The following TDRD12 variants were observed in gnomAD, a reference collection of about 807,000 sequenced individuals.
TDRD12 encodes putative ATP-dependent RNA helicase TDRD12.
In TDRD12, 158 loss-of-function variants were observed where a neutral mutation model predicts 133.5. That is an observed-to-expected ratio of 1.18 (90% CI 1.04 to 1.35). The LOEUF is 1.35. Ranked by LOEUF, TDRD12 falls within the 40% of genes most tolerant of loss-of-function variation. The pLI is 0.00. For synonymous variants in TDRD12, 460 were observed against 477.9 expected (o/e 0.96, Z 0.49); for missense variants, 1,443 against 1,321.3 (o/e 1.09, Z -1.43).
At chr19:32,787,955 C>T (rs998559415) in intron 11 of TDRD12, among the ~76,000 whole-genome samples, 3 of 152,168 alleles carry the variant, frequency 2.0e-5, no homozygotes, top group African/African-American at 7.2e-5. Context: ...CACTGTCCAA[C>T]CAGTCCCAGT....
chr19:32,748,531 G>A (rs929792658), exon 5 of TDRD12: 2 of 1,551,350 alleles, frequency 1.3e-6, no homozygotes, highest in South Asian at 1.2e-5. Flanking sequence ...CCTTCTGAAA[G>A]GTAAGCCAGT....
intron 5 of TDRD12, among the ~76,000 whole-genome samples, chr19:32,749,210 G>C (rs1359291353): frequency 6.6e-6 from 1 of 152,066 alleles, no homozygotes; most frequent in Non-Finnish European, 1.5e-5. Context: ...CTGGAGTTTT[G>C]GCCCCTGTGA....
At chr19:32,767,227 C>G (rs200892269) in intron 8 of TDRD12, among the ~76,000 whole-genome samples, 1 of 151,668 alleles carries the variant, frequency 6.6e-6, no homozygotes, top group East Asian at 1.9e-4. Context: ...GTCCTGGGTT[C>G]AAGCGATTCT....
intron 11 of TDRD12, among the ~76,000 whole-genome samples, chr19:32,781,980 T>A (rs1217017461): frequency 6.6e-6 from 1 of 152,100 alleles, no homozygotes; most frequent in Non-Finnish European, 1.5e-5. Context: ...CTTTTTTTTT[T>A]ATTATACTTA....
chr19:32,811,097 A>C, intron 23 of TDRD12, 113 bp from the exon 24 acceptor site: 1 of 825,688 alleles, frequency 1.2e-6, no homozygotes. Flanking sequence ...AGTATAGAGT[A>C]AAATCATGGC....
At chr19:32,808,968 GTTATT>G (rs1966906566) in intron 22 of TDRD12, among the ~76,000 whole-genome samples, 1 of 151,784 alleles carries the variant, frequency 6.6e-6, no homozygotes, top group Non-Finnish European at 1.5e-5. Context: ...TATACATTTT[GTTATT>G]TTATGATGAC....
chr19:32,749,580 G>A (rs1599855765), intron 5 of TDRD12, among the ~76,000 whole-genome samples: 2 of 152,098 alleles, frequency 1.3e-5, no homozygotes, highest in African/African-American at 4.8e-5. Flanking sequence ...GGGTGGCACA[G>A]GAACCTGTTG....
chr19:32,815,194 G>A (rs565613295), intron 25 of TDRD12, among the ~76,000 whole-genome samples: 5 of 146,052 alleles, frequency 3.4e-5, no homozygotes, highest in African/African-American at 1.2e-4. Context: ...GTTTATCCCA[G>A]ATTTGCTCTT....
intron 11 of TDRD12, among the ~76,000 whole-genome samples, chr19:32,787,018 G>T (rs141077351): frequency 6.6e-6 from 1 of 152,254 alleles, no homozygotes; most frequent in Non-Finnish European, 1.5e-5. Context: ...CTGGTTTTTG[G>T]AATTTTCAGC....
At chr19:32,720,173 C>G in intron 1 of TDRD12, 77 bp downstream of exon 1, 1 of 1,471,212 alleles carries the variant, frequency 6.8e-7, no homozygotes, top group Non-Finnish European at 9.1e-7. Context: ...CAGCCTCCCA[C>G]CCCCACCCCA....
chr19:32,749,100 T>C (rs752892570), intron 5 of TDRD12, among the ~76,000 whole-genome samples: 8 of 152,150 alleles, frequency 5.3e-5, no homozygotes, highest in Non-Finnish European at 1.0e-4. Context: ...TGGTGCCTCG[T>C]TGGGTCCTGG....
chr19:32,726,648 G>T (rs1257796814), intron 1 of TDRD12, among the ~76,000 whole-genome samples: 1 of 152,024 alleles, frequency 6.6e-6, no homozygotes, highest in Non-Finnish European at 1.5e-5. Flanking sequence ...CTACTTGGGA[G>T]GCTGAGGTGG....
chr19:32,811,157 AGATG>A, intron 23 of TDRD12, 49 bp from the exon 24 acceptor site: 1 of 1,367,664 alleles, frequency 7.3e-7, no homozygotes. Context: ...TTTGAGGCAA[AGATG>A]ATCCTTTCTG....
intron 1 of TDRD12, among the ~76,000 whole-genome samples, chr19:32,722,988 T>C (rs1462163670): frequency 6.6e-6 from 1 of 152,134 alleles, no homozygotes; most frequent in East Asian, 1.9e-4. Flanking sequence ...CCCCCCCATG[T>C]AACCTTTTAG....
At chr19:32,827,028 C>T (rs936982277) in intron 9 of TDRD12, 136 bp from the exon 33 acceptor site, 7 of 444,284 alleles carry the variant, frequency 1.6e-5, no homozygotes, top group African/African-American at 8.1e-5. Context: ...TCATTTCTTA[C>T]CTAAAATAAT....
At chr19:32,751,847 A>C (rs1192611195) in intron 6 of TDRD12, among the ~76,000 whole-genome samples, 1 of 150,608 alleles carries the variant, frequency 6.6e-6, no homozygotes, top group Non-Finnish European at 1.5e-5. Context: ...CACACCCAGC[A>C]CCTTCTGCAT....
At chr19:32,731,830 A>G in exon 2 of TDRD12, 3 of 1,551,196 alleles carry the variant, frequency 1.9e-6, no homozygotes, top group Non-Finnish European at 2.6e-6. Context: ...TGACTTCTAC[A>G]ACAGCACGTG....
At chr19:32,724,264 C>A (rs1219309112) in intron 1 of TDRD12, among the ~76,000 whole-genome samples, 1 of 152,152 alleles carries the variant, frequency 6.6e-6, no homozygotes, top group Non-Finnish European at 1.5e-5. Context: ...AAGTGCAGGA[C>A]CTGCAGGTTT....
chr19:32,796,539 C>T (rs908916487), intron 14 of TDRD12, among the ~76,000 whole-genome samples: 1 of 151,154 alleles, frequency 6.6e-6, no homozygotes, highest in Non-Finnish European at 1.5e-5. Flanking sequence ...GAGGCAAGAT[C>T]GCACCATTGC....
Sources: allele counts gnomAD v4.1 joint callset (sites outside exome capture counted in the v4.1 genomes callset), GRCh38; gene constraint gnomAD v4.1.1; transcripts MANE v1.5; gene names NCBI Gene and HGNC (gene_info 2026-07-23, HGNC 2026-07-21).